The following CACNA1D variants were observed in gnomAD, a reference collection of about 807,000 sequenced individuals.
CACNA1D encodes the protein voltage-dependent L-type calcium channel subunit alpha-1D.
Under a neutral mutation model 257.1 loss-of-function variants are expected in CACNA1D, and 55 were observed. That is an observed-to-expected ratio of 0.21 (90% CI 0.17 to 0.27). The LOEUF is 0.27. CACNA1D is among the 10% of genes least tolerant of loss of function. CACNA1D has a pLI of 1.00. For synonymous variants in CACNA1D, 980 were observed against 1,014.9 expected (o/e 0.97, Z 0.65); for missense variants, 1,876 against 2,784.0 (o/e 0.67, Z 7.34).
At chr3:53,688,228 G>A (rs947739633) in intron 8 of CACNA1D, among the ~76,000 whole-genome samples, 2 of 152,234 alleles carry the variant, frequency 1.3e-5, no homozygotes, top group Non-Finnish European at 2.9e-5. Flanking sequence ...CCCAGCTGGG[G>A]TGAGGCAGTG....
At chr3:53,790,179 C>T (rs1252254803) in intron 40 of CACNA1D, among the ~76,000 whole-genome samples, 3 of 152,130 alleles carry the variant, frequency 2.0e-5, no homozygotes, top group Non-Finnish European at 2.9e-5. Flanking sequence ...TTGCTACATC[C>T]GAGTGACCCA....
At chr3:53,728,231 T>C (rs1328518154) in intron 15 of CACNA1D, among the ~76,000 whole-genome samples, 3 of 152,140 alleles carry the variant, frequency 2.0e-5, no homozygotes, top group Non-Finnish European at 4.4e-5. Flanking sequence ...CTCCGCCTCC[T>C]GGGTTCAAGT....
intron 29 of CACNA1D, among the ~76,000 whole-genome samples, chr3:53,755,763 G>A (rs558748080): frequency 2.0e-5 from 3 of 152,094 alleles, no homozygotes; most frequent in East Asian, 1.9e-4. Flanking sequence ...GGAGAGTATC[G>A]GTTCACCAAG....
intron 3 of CACNA1D, among the ~76,000 whole-genome samples, chr3:53,595,495 A>C (rs2093358603): frequency 6.6e-6 from 1 of 152,260 alleles, no homozygotes; most frequent in South Asian, 2.1e-4. Flanking sequence ...AATGAGTAGG[A>C]GGAGACATCC....
intron 3 of CACNA1D, among the ~76,000 whole-genome samples, chr3:53,598,500 G>A (rs143321733): frequency 0.016 from 2,369 of 151,122 alleles, 53 homozygotes; most frequent in African/African-American, 0.054. Context: ...CAGGAGAATC[G>A]CTTGAACCCA....
At chr3:53,720,289 TA>T (rs2094868851) in intron 11 of CACNA1D, among the ~76,000 whole-genome samples, 1 of 152,146 alleles carries the variant, frequency 6.6e-6, no homozygotes, top group Admixed American at 6.5e-5. Flanking sequence ...GACCTAAATA[TA>T]AAATATAAAA....
intron 3 of CACNA1D, among the ~76,000 whole-genome samples, chr3:53,555,855 G>A (rs2092635211): frequency 6.6e-6 from 1 of 152,026 alleles, no homozygotes; most frequent in African/African-American, 2.4e-5. Flanking sequence ...GTAAAAATCG[G>A]GGTGTGTGCA....
intron 3 of CACNA1D, among the ~76,000 whole-genome samples, chr3:53,502,572 T>C (rs2090653571): frequency 6.6e-6 from 1 of 151,734 alleles, no homozygotes; most frequent in Non-Finnish European, 1.5e-5. Context: ...AAAAAAGCAC[T>C]AAAGAGTACT....
At chr3:53,710,858 A>G (rs184318448) in intron 9 of CACNA1D, among the ~76,000 whole-genome samples, 28 of 152,272 alleles carry the variant, frequency 1.8e-4, no homozygotes, top group Admixed American at 1.0e-3. Context: ...TCCAGGCTAC[A>G]TGTTTCAAAT....
intron 2 of CACNA1D, among the ~76,000 whole-genome samples, chr3:53,501,163 C>A (rs1020222561): frequency 6.6e-6 from 1 of 152,150 alleles, no homozygotes; most frequent in Non-Finnish European, 1.5e-5. Context: ...CAAGAATAGC[C>A]CCTGAGAAAA....
intron 3 of CACNA1D, among the ~76,000 whole-genome samples, chr3:53,578,510 G>A (rs552872884): frequency 2.6e-4 from 40 of 152,286 alleles, no homozygotes; most frequent in African/African-American, 9.6e-4. Context: ...TTAAGGGGTC[G>A]AGTGAGGGCG....
chr3:53,664,461 T>TA (rs2108355059), intron 5 of CACNA1D, among the ~76,000 whole-genome samples: 1 of 152,262 alleles, frequency 6.6e-6, no homozygotes, highest in East Asian at 1.9e-4. Flanking sequence ...GCTAGTGATC[T>TA]AAAGTTTGGC....
At chr3:53,517,506 C>T (rs1228003884) in intron 3 of CACNA1D, among the ~76,000 whole-genome samples, 3 of 147,774 alleles carry the variant, frequency 2.0e-5, no homozygotes, top group African/African-American at 7.5e-5. Flanking sequence ...TTTTTTTAGA[C>T]AGAGTCTCAC....
intron 3 of CACNA1D, among the ~76,000 whole-genome samples, chr3:53,612,889 C>A (rs543474937): frequency 1.6e-4 from 24 of 152,088 alleles, no homozygotes; most frequent in Non-Finnish European, 1.3e-4. Flanking sequence ...ATATTTTTCC[C>A]CAGTTTTCAA....
intron 7 of CACNA1D, among the ~76,000 whole-genome samples, chr3:53,668,747 A>G (rs1412808365): frequency 6.6e-6 from 1 of 152,248 alleles, no homozygotes; most frequent in Non-Finnish European, 1.5e-5. Context: ...GCAACTGTTC[A>G]GCCCTTCCAC....
intron 3 of CACNA1D, among the ~76,000 whole-genome samples, chr3:53,639,392 T>TG (rs1433424868): frequency 2.0e-5 from 3 of 147,090 alleles, no homozygotes; most frequent in Non-Finnish European, 3.0e-5. Flanking sequence ...CTCTCTCTCT[T>TG]TTTTTTTTTT....
intron 3 of CACNA1D, among the ~76,000 whole-genome samples, chr3:53,579,625 A>C (rs2107738479): frequency 6.6e-6 from 1 of 152,344 alleles, no homozygotes; most frequent in South Asian, 2.1e-4. Flanking sequence ...GCATTTACCC[A>C]GTGATTTTCA....
chr3:53,722,420 T>G lies in CACNA1D; in HGVS notation c.1612T>G (p.Leu538Val). 1 of 1,614,122 alleles carries G rather than the reference T, an allele frequency of 6.2e-7. No homozygotes were observed. Among genetic ancestry groups the G allele is most frequent in the East Asian group, 2.2e-5 (1 of 44,874 alleles). ...TATCGTCCTGGTGTTTCTGAACACC[T>G]TAACCATTTCCTCTGAGCACTACAA... ...LVIVLVFLNT[L>V]TISSEHYNQP... is the part of the protein sequence containing the mutation. Residue 538 changes from leucine to valine, a missense_variant, in exon 12 of 48, where the codon TTA becomes GTA. Leu to Val is a conservative substitution (Grantham distance 32). Transcript: ENST00000350061.
At chr3:53,718,601 C>CCCCCCCCCAAAAAAA in intron 10 of CACNA1D, 1 of 1,103,188 alleles carries the variant, frequency 9.1e-7, no homozygotes, top group African/African-American at 1.6e-5. Flanking sequence ...CCCCCCGGCC[C>CCCCCCCCCAAAAAAA]AGCATTTCAC....
Sources: allele counts gnomAD v4.1 joint callset (sites outside exome capture counted in the v4.1 genomes callset), GRCh38; gene constraint gnomAD v4.1.1; transcripts MANE v1.5; gene names NCBI Gene and HGNC (gene_info 2026-07-23, HGNC 2026-07-21).